NFATC2: variants seen among roughly 807,000 people sequenced by gnomAD.
The protein encoded by NFATC2 is nuclear factor of activated T-cells, cytoplasmic 2.
A neutral mutation model predicts 87.3 loss-of-function variants in NFATC2; 22 were observed. The ratio of observed to expected loss-of-function variants is 0.25; its 90% CI spans 0.18 to 0.36. The LOEUF (loss-of-function observed/expected upper bound fraction) is 0.36, where lower values mean the gene tolerates loss of function less well. Ranked by LOEUF, NFATC2 falls within the 10% of genes least tolerant of loss-of-function variation. NFATC2 has a pLI of 1.00. For synonymous variants in NFATC2, 565 were observed against 542.2 expected, an observed-to-expected ratio of 1.04 and a Z score of -0.58; for missense variants, 1,149 against 1,259.1, an observed-to-expected ratio of 0.91 and a Z score of 1.32.
intron 5 of NFATC2, among the ~76,000 whole-genome samples, chr20:51,468,544 T>C (rs773720235): frequency 3.3e-5 from 5 of 152,180 alleles, no homozygotes; most frequent in South Asian, 2.1e-4. Context: ...GAGAAAGCCA[T>C]AGTGGCTTGG....
intron 1 of NFATC2, among the ~76,000 whole-genome samples, chr20:51,530,658 G>T (rs2076618421): frequency 6.6e-6 from 1 of 152,170 alleles, no homozygotes; most frequent in South Asian, 2.1e-4. Flanking sequence ...GGGATTCAGA[G>T]GTTGCTGCTC....
chr20:51,486,188 G>A (rs1989695721), intron 3 of NFATC2, among the ~76,000 whole-genome samples: 1 of 151,964 alleles, frequency 6.6e-6, no homozygotes, highest in Non-Finnish European at 1.5e-5. Flanking sequence ...TCCAGCCTGG[G>A]TGACAGAGCG....
At chr20:51,437,908 G>A (rs1406790078) in intron 6 of NFATC2, among the ~76,000 whole-genome samples, 9 of 152,218 alleles carry the variant, frequency 5.9e-5, no homozygotes, top group African/African-American at 2.2e-4. Flanking sequence ...AAAGGCTGCT[G>A]GTGAGGCCAA....
rs115884637 is a variant in NFATC2 at position 51,395,211 on chromosome 20, G to A, written c.*44+3432C>T. 1.9e-3 allele frequency among the ~76,000 whole-genome samples: 294 copies of A among 151,614 alleles called. 2 individuals carry two copies. The highest frequency in any genetic ancestry group is 6.9e-3 in the African/African-American group (282 of 40,906). On this transcript the variant is annotated intron_variant, in intron 10 of 10. Transcript: ENST00000371564. ...AATTCTCACACTGCTCCTAGGTAAC[G>A]TCATCATCCCCATTTTATAGATGGG...
chr20:51,528,840 C>T (rs1222730987), intron 1 of NFATC2, among the ~76,000 whole-genome samples: 1 of 152,178 alleles, frequency 6.6e-6, no homozygotes, highest in Non-Finnish European at 1.5e-5. Flanking sequence ...AGTCCCCCAC[C>T]CACTGGAGGC....
chr20:51,549,403 G>A (rs563043252), intron 1 of NFATC2, among the ~76,000 whole-genome samples: 1 of 152,324 alleles, frequency 6.6e-6, no homozygotes, highest in East Asian at 1.9e-4. Context: ...CTCCCGAATA[G>A]CTGGGATTAT....
intron 6 of NFATC2, among the ~76,000 whole-genome samples, chr20:51,440,966 C>A (rs117357742): frequency 0.071 from 10,752 of 152,316 alleles, 533 homozygotes; most frequent in Middle Eastern, 0.16. Context: ...ATTGCACTCC[C>A]ATGGGGCAGT....
At position 51,473,877 on chromosome 20, in the gene NFATC2, C is replaced by T. The variant is rs953643058; in HGVS notation, c.1708+103G>A. The T allele has an allele frequency of 3.8e-5, 49 of 1,295,444 alleles. 1 individual carries two copies. The highest frequency in any genetic ancestry group is 1.4e-5 in the Non-Finnish European group (13 of 945,402). The allele number at this position is 1,295,444 out of a possible 1,614,324, so 80.2% of individuals were successfully genotyped here. A position where few individuals can be genotyped will look rare whatever the true frequency, so the allele number is the denominator to read the frequency against. The stretch of plus-strand genomic sequence containing the variant: ...TAACCCTGTGGGTCCCACACATTCC[C>T]GCAGGCCACCCCGGGTACCTCGCCC... On this transcript the variant is annotated intron_variant, in intron 5 of 10. Transcript: ENST00000371564.
intron 6 of NFATC2, among the ~76,000 whole-genome samples, chr20:51,443,086 G>A (rs1389765015): frequency 6.6e-6 from 1 of 152,122 alleles, no homozygotes; most frequent in Non-Finnish European, 1.5e-5. Context: ...CTTGGAACTT[G>A]CTGTTGCCAC....
chr20:51,524,124 G>T lies in NFATC2; in HGVS notation c.131-14C>A, dbSNP rs774563020. 1.4e-6 allele frequency: 2 copies of T among 1,442,410 alleles called. No individual in the cohort carries two copies. Among genetic ancestry groups the T allele is most frequent in the East Asian group, 5.4e-5 (2 of 37,160 alleles). The allele number at this position is 1,442,410 out of a possible 1,614,324, so 89.4% of individuals were successfully genotyped here. A position where few individuals can be genotyped will look rare whatever the true frequency, so the allele number is the denominator to read the frequency against. The stretch of plus-strand genomic sequence containing the variant: ...CATTCGGCTCTTCTGGAAAGAGAAG[G>T]GGGAAGGGGGTTCTTTTTAAGCCTC... On this transcript the variant is annotated splice_polypyrimidine_tract_variant and intron_variant, in intron 1 of 10. Transcript: ENST00000371564. This position sits in a 1 kb window ranked among gnomAD's most constrained non-coding sequence, Gnocchi z 4.0.
chr20:51,471,737 T>C (rs1355916999), intron 5 of NFATC2, among the ~76,000 whole-genome samples: 1 of 152,238 alleles, frequency 6.6e-6, no homozygotes, highest in Non-Finnish European at 1.5e-5. Context: ...GCTTTCCCTT[T>C]GCATGTTAGT....
At chr20:51,555,456 G>A (rs1311396244) in intron 1 of NFATC2, among the ~76,000 whole-genome samples, 2 of 152,102 alleles carry the variant, frequency 1.3e-5, no homozygotes, top group Non-Finnish European at 2.9e-5. Flanking sequence ...AGCTGGGTGT[G>A]GTGGCGGGCG....
chr20:51,411,516 CTTTTTTTTT>C lies in NFATC2; in HGVS notation c.2723-12795_2723-12787del, dbSNP rs67935951. Among the ~76,000 whole-genome samples, 15 of 87,248 alleles carry C rather than the reference CTTTTTTTTT, an allele frequency of 1.7e-4. No homozygotes were observed. The South Asian group carries it at 2.2e-3, about 13-fold the overall frequency. 57.2% of individuals were successfully genotyped at this position (87,248 alleles called of 152,430 possible). On this transcript the variant is annotated intron_variant, in intron 9 of 10. Transcript: ENST00000371564. ...CAAGGTCCTGAAGCAATGCAATTGTCTTTTTTTTTTTTTTTTTTTTTTTTTTTTTGAGAC... is the reference window on the plus strand; with the variant it reads ...CAAGGTCCTGAAGCAATGCAATTGTCTTTTTTTTTTTTTTTTTTTTGAGAC...
chr20:51,446,370 A>G (rs1304543373), intron 6 of NFATC2, among the ~76,000 whole-genome samples: 1 of 152,128 alleles, frequency 6.6e-6, no homozygotes. Context: ...CAGTTCCTTG[A>G]TCTCCTTCTA....
intron 3 of NFATC2, among the ~76,000 whole-genome samples, chr20:51,502,584 C>T (rs2076107773): frequency 6.6e-6 from 1 of 152,136 alleles, no homozygotes; most frequent in South Asian, 2.1e-4. Context: ...GATCTTTGTG[C>T]CTCAGCCTCC....
At chr20:51,429,009 C>T (rs1367375973) in intron 9 of NFATC2, among the ~76,000 whole-genome samples, 2 of 152,218 alleles carry the variant, frequency 1.3e-5, no homozygotes, top group African/African-American at 4.8e-5. Flanking sequence ...AGTTGCCCCA[C>T]CAGACACCAA....
At position 51,387,627 on chromosome 20, in the gene NFATC2, C is replaced by G. The variant is rs1985899126; in HGVS notation, c.*3869G>C. The G allele has an allele frequency of 6.6e-6, 1 of 152,156 alleles. No homozygotes were observed. Among genetic ancestry groups the G allele is most frequent in the Non-Finnish European group, 1.5e-5 (1 of 68,038 alleles). 9.4% of individuals were successfully genotyped at this position (152,156 alleles called of 1,614,324 possible). On this transcript the variant is annotated 3_prime_UTR_variant, in exon 11 of 11. Coordinates refer to ENST00000371564, the MANE Select transcript of NFATC2 (RefSeq NM_012340.5). The stretch of plus-strand genomic sequence containing the variant: ...CATTTAATTGGAATGCAGGAAAATA[C>G]TTGCTATGCAATTGGCTGCTTTGGT...
intron 10 of NFATC2, among the ~76,000 whole-genome samples, chr20:51,396,038 G>GTATATATATATATATA (rs1161908517): frequency 1.4e-4 from 3 of 21,316 alleles, no homozygotes; most frequent in Non-Finnish European, 1.7e-4. Flanking sequence ...CTCCTAGTAT[G>GTATATATATATATATA]TATATATATA....
At chr20:51,439,119 G>A (rs1373032355) in intron 6 of NFATC2, among the ~76,000 whole-genome samples, 1 of 152,178 alleles carries the variant, frequency 6.6e-6, no homozygotes, top group Non-Finnish European at 1.5e-5. Flanking sequence ...TCAAGATACC[G>A]TGGAAGCTTC....
Sources: gnomAD v4.1 joint callset for allele counts (sites outside exome capture counted in the v4.1 genomes callset) on GRCh38, gnomAD v4.1.1 for gene constraint, Gnocchi (gnomAD v3.1) non-coding constraint, MANE v1.5 for transcripts, NCBI Gene and HGNC (gene_info 2026-07-23, HGNC 2026-07-21) for gene names.